The following ATAD2B variants were observed in gnomAD, a reference collection of about 807,000 sequenced individuals.
ATAD2B encodes the protein ATPase family AAA domain containing 2B.
In ATAD2B, 40 loss-of-function variants were observed where a neutral mutation model predicts 167.6. The ratio of observed to expected loss-of-function variants is 0.24; its 90% CI spans 0.19 to 0.31. The LOEUF (loss-of-function observed/expected upper bound fraction) is 0.31. ATAD2B is among the 10% of genes least tolerant of loss of function. The probability of loss-of-function intolerance (pLI) is 1.00; values close to 1 mark genes in which losing one functional copy is unlikely to be tolerated. For synonymous variants in ATAD2B, 579 were observed against 596.5 expected (o/e 0.97, Z 0.43); for missense variants, 1,242 against 1,757.2 (o/e 0.71, Z 5.24).
the ATAD2B span, among the ~76,000 whole-genome samples, chr2:23,730,808 A>G: frequency 1.2e-4 from 18 of 151,908 alleles, no homozygotes; most frequent in African/African-American, 4.3e-4. Context: ...CCAATAATCT[A>G]ATCTTTCAGT....
chr2:23,919,140 C>T (rs1411934546), intron 1 of ATAD2B, among the ~76,000 whole-genome samples: 3 of 151,032 alleles, frequency 2.0e-5, no homozygotes, highest in Non-Finnish European at 4.4e-5. Context: ...GCCAGTAGTT[C>T]GAGACTAGCC....
intron 25 of ATAD2B, among the ~76,000 whole-genome samples, chr2:23,756,134 T>C (rs1675926021): frequency 6.6e-6 from 1 of 152,188 alleles, no homozygotes; most frequent in Non-Finnish European, 1.5e-5. Context: ...ACCAGATTCC[T>C]TCTCCACTTT....
At chr2:23,891,755 A>T (rs1699540927) in intron 2 of ATAD2B, among the ~76,000 whole-genome samples, 1 of 135,750 alleles carries the variant, frequency 7.4e-6, no homozygotes, top group Non-Finnish European at 1.6e-5. Context: ...CCCCCACCTC[A>T]GACTCCCAAA....
chr2:23,697,669 C>G, the ATAD2B span: 1 of 152,164 alleles, frequency 6.6e-6, no homozygotes, highest in African/African-American at 2.4e-5. Flanking sequence ...AACTCCTCCC[C>G]CAAGTAGAGC....
the ATAD2B span, among the ~76,000 whole-genome samples, chr2:23,712,795 A>G: frequency 6.6e-6 from 1 of 152,232 alleles, no homozygotes; most frequent in Non-Finnish European, 1.5e-5. Flanking sequence ...TAAGACTCCA[A>G]GAATGTGTGT....
intron 7 of ATAD2B, 116 bp from the exon 8 acceptor site, chr2:23,876,020 A>C: frequency 1.3e-6 from 1 of 770,828 alleles, no homozygotes; most frequent in Admixed American, 2.5e-5. Flanking sequence ...TTTGAGACAG[A>C]GTCTTGCTCT....
chr2:23,838,149 T>C (rs938724019), intron 13 of ATAD2B, among the ~76,000 whole-genome samples: 1 of 152,200 alleles, frequency 6.6e-6, no homozygotes, highest in African/African-American at 2.4e-5. Context: ...ACCCAGTGTA[T>C]GTGTGAAGGA....
chr2:23,732,903 G>A, the ATAD2B span, among the ~76,000 whole-genome samples: 5 of 152,146 alleles, frequency 3.3e-5, no homozygotes, highest in Non-Finnish European at 7.3e-5. Context: ...TCCTGGTTAT[G>A]CTATTTAACT....
the ATAD2B span, chr2:23,691,906 G>C: frequency 6.7e-5 from 103 of 1,541,968 alleles, no homozygotes; most frequent in Admixed American, 3.7e-4. Context: ...ATGTCGCTTG[G>C]GGGGAAGAGT....
chr2:23,847,993 A>C (rs1426638436), intron 13 of ATAD2B, among the ~76,000 whole-genome samples: 3 of 96,572 alleles, frequency 3.1e-5, no homozygotes, highest in South Asian at 3.7e-4. Context: ...ACTTCATCCC[A>C]AAAAAAAAAA....
At chr2:23,919,581 A>G (rs376977155) in intron 1 of ATAD2B, among the ~76,000 whole-genome samples, 1 of 150,486 alleles carries the variant, frequency 6.6e-6, no homozygotes, top group East Asian at 2.0e-4. Flanking sequence ...AGTGGCTCAC[A>G]CCTGTAATCC....
chr2:23,841,714 T>C (rs1690943885), intron 13 of ATAD2B, among the ~76,000 whole-genome samples: 1 of 152,078 alleles, frequency 6.6e-6, no homozygotes, highest in Admixed American at 6.6e-5. Flanking sequence ...CAGCATCTAG[T>C]TATGTTGCCC....
At chr2:23,755,346 TTTCC>T (rs1483984594) in intron 25 of ATAD2B, among the ~76,000 whole-genome samples, 3 of 152,200 alleles carry the variant, frequency 2.0e-5, no homozygotes, top group African/African-American at 7.2e-5. Context: ...GCTGGTGTTC[TTTCC>T]TACCTTAGAG....
the ATAD2B span, among the ~76,000 whole-genome samples, chr2:23,713,251 C>T: frequency 6.6e-6 from 1 of 152,230 alleles, no homozygotes; most frequent in African/African-American, 2.4e-5. Context: ...GGGTGTTAGC[C>T]CTGGGACTTT....
chr2:23,780,761 G>C (rs187748234), intron 22 of ATAD2B, among the ~76,000 whole-genome samples: 25 of 152,186 alleles, frequency 1.6e-4, no homozygotes, highest in Non-Finnish European at 1.6e-4. Context: ...TTAGCTGGGC[G>C]TAGTGGCACG....
the ATAD2B span, chr2:23,706,555 T>TGG: frequency 6.5e-7 from 1 of 1,537,136 alleles, no homozygotes; most frequent in Non-Finnish European, 8.7e-7. Flanking sequence ...CTGGGCAACA[T>TGG]GGAGGCCTAC....
At chr2:23,744,970 C>T (rs1345734189), downstream of ATAD2B, among the ~76,000 whole-genome samples, 9 of 152,092 alleles carry the variant, frequency 5.9e-5, no homozygotes, top group Non-Finnish European at 1.3e-4. Flanking sequence ...TGGTATTCTA[C>T]TATTTAAAAA....
intron 12 of ATAD2B, among the ~76,000 whole-genome samples, chr2:23,859,459 C>T (rs917756931): frequency 1.1e-4 from 17 of 152,146 alleles, no homozygotes; most frequent in African/African-American, 3.6e-4. Flanking sequence ...CAGGTCCATG[C>T]CAACACACTT....
chr2:23,827,103 C>A (rs184557124), intron 15 of ATAD2B, among the ~76,000 whole-genome samples: 8 of 151,614 alleles, frequency 5.3e-5, no homozygotes, highest in Non-Finnish European at 1.0e-4. Flanking sequence ...TAATGTGAAC[C>A]GGTTTCTCAG....
Sources: gnomAD v4.1 joint callset for allele counts (sites outside exome capture counted in the v4.1 genomes callset) on GRCh38, gnomAD v4.1.1 for gene constraint, MANE v1.5 for transcripts, NCBI Gene and HGNC (gene_info 2026-07-23, HGNC 2026-07-21) for gene names.